The following GRIK1 variants were observed in gnomAD, a reference collection of about 807,000 sequenced individuals.
GRIK1 encodes glutamate receptor ionotropic, kainate 1.
In GRIK1, 69 loss-of-function variants were observed where a neutral mutation model predicts 105.7. That is an observed-to-expected ratio of 0.65 (90% confidence interval 0.54 to 0.80). The LOEUF (loss-of-function observed/expected upper bound fraction) is 0.80. GRIK1 is among the 30% of genes least tolerant of loss of function. The pLI, the probability that GRIK1 is intolerant of heterozygous loss-of-function variation, is 0.00. For synonymous variants in GRIK1, 438 were observed against 431.3 expected (o/e 1.02, Z -0.19); for missense variants, 1,109 against 1,167.3 (o/e 0.95, Z 0.73).
At chr21:29,728,117 T>G (rs2146885871) in intron 1 of GRIK1, among the ~76,000 whole-genome samples, 1 of 152,294 alleles carries the variant, frequency 6.6e-6, no homozygotes, top group East Asian at 1.9e-4. Flanking sequence ...GAAATAATGG[T>G]TTATCAGCTA....
chr21:29,659,530 A>G (rs1277805570), intron 4 of GRIK1, among the ~76,000 whole-genome samples: 1 of 152,202 alleles, frequency 6.6e-6, no homozygotes, highest in African/African-American at 2.4e-5. Flanking sequence ...AGTGTCTTGT[A>G]CCTATTGTAA....
At chr21:29,790,906 A>G (rs1019671299) in intron 1 of GRIK1, among the ~76,000 whole-genome samples, 1 of 152,216 alleles carries the variant, frequency 6.6e-6, no homozygotes, top group African/African-American at 2.4e-5. Context: ...CTAAATAACA[A>G]ATCAGTTTAA....
chr21:29,750,104 A>G (rs2145640105), intron 1 of GRIK1, among the ~76,000 whole-genome samples: 1 of 152,266 alleles, frequency 6.6e-6, no homozygotes, highest in African/African-American at 2.4e-5. Context: ...ATGAGGAATC[A>G]GGGTAGAAGA....
At chr21:29,646,474 G>T (rs549530587) in intron 6 of GRIK1, among the ~76,000 whole-genome samples, 1 of 152,138 alleles carries the variant, frequency 6.6e-6, no homozygotes, top group African/African-American at 2.4e-5. Context: ...GTCATTGTGA[G>T]TATAACAGCT....
At chr21:29,767,020 G>A (rs2065684520) in intron 1 of GRIK1, among the ~76,000 whole-genome samples, 1 of 152,116 alleles carries the variant, frequency 6.6e-6, no homozygotes, top group Non-Finnish European at 1.5e-5. Flanking sequence ...CCTTCTCCTA[G>A]CACTTTCCTG....
intron 1 of GRIK1, among the ~76,000 whole-genome samples, chr21:29,762,477 C>G (rs111371077): frequency 6.6e-6 from 1 of 152,150 alleles, no homozygotes; most frequent in Non-Finnish European, 1.5e-5. Flanking sequence ...CTTATTCATC[C>G]TAGTCTTCAA....
Position 29,561,621 on chromosome 21 carries a change from T to A in GRIK1, c.2356+3A>T. ...AGTCTTGGTTCATGTCTACCCGTCTTACCAATAGGTGTTCCCACTCCGTAA... is the reference window on the plus strand; with the variant it reads ...AGTCTTGGTTCATGTCTACCCGTCTAACCAATAGGTGTTCCCACTCCGTAA... On this transcript the variant is annotated splice_donor_region_variant and intron_variant, in intron 15 of 17. Coordinates refer to ENST00000327783, the MANE Select transcript of GRIK1 (RefSeq NM_001330994.2). 1 of 1,584,694 alleles carries A rather than the reference T, an allele frequency of 6.3e-7. No individual in the cohort carries two copies. Among genetic ancestry groups the A allele is most frequent in the Non-Finnish European group, 8.7e-7 (1 of 1,153,218 alleles).
At chr21:29,846,344 CA>C (rs2068112184) in intron 1 of GRIK1, among the ~76,000 whole-genome samples, 1 of 146,538 alleles carries the variant, frequency 6.8e-6, no homozygotes. Flanking sequence ...GCCGAGATCA[CA>C]CCATTACACT....
rs528897928 is a variant in GRIK1 at position 29,609,119 on chromosome 21, A to T, written c.1099-10182T>A. Among the ~76,000 whole-genome samples the T allele has an allele frequency of 1.3e-3, 166 of 130,194 alleles. No homozygotes were observed. In the East Asian group the frequency reaches 0.03, roughly 23 times the overall value. 85.4% of individuals were successfully genotyped at this position (130,194 alleles called of 152,430 possible). A position where few individuals can be genotyped will look rare whatever the true frequency, so the allele number is the denominator to read the frequency against. The stretch of plus-strand genomic sequence containing the variant: ...ATTATTAAATAATAATAAATAAGAT[A>T]AAAAGGTATTATTAAATAATAAGAT... On this transcript the variant is annotated intron_variant, in intron 7 of 17. Coordinates refer to ENST00000327783, the MANE Select transcript of GRIK1 (RefSeq NM_001330994.2).
intron 1 of GRIK1, among the ~76,000 whole-genome samples, chr21:29,894,237 T>G (rs752276768): frequency 2.0e-5 from 3 of 152,124 alleles, no homozygotes; most frequent in Admixed American, 2.0e-4. Flanking sequence ...AGAGACCATC[T>G]GCAAGTTGAG....
intron 1 of GRIK1, among the ~76,000 whole-genome samples, chr21:29,815,964 C>CA (rs1165933641): frequency 6.6e-6 from 1 of 151,800 alleles, no homozygotes; most frequent in Non-Finnish European, 1.5e-5. Flanking sequence ...CCATATTAAA[C>CA]AAAAAAACTG....
chr21:29,885,222 G>A (rs1299405671), intron 1 of GRIK1, among the ~76,000 whole-genome samples: 1 of 151,994 alleles, frequency 6.6e-6, no homozygotes, highest in Non-Finnish European at 1.5e-5. Flanking sequence ...TCATATGTAT[G>A]TCAGAGTTTC....
chr21:29,842,894 C>T (rs544585950), intron 1 of GRIK1, among the ~76,000 whole-genome samples: 10 of 152,238 alleles, frequency 6.6e-5, no homozygotes, highest in African/African-American at 2.4e-4. Context: ...TTCCAGAGAT[C>T]ATATGTTGCA....
chr21:29,906,958 G>A (rs188208168), intron 1 of GRIK1, among the ~76,000 whole-genome samples: 48 of 151,620 alleles, frequency 3.2e-4, no homozygotes, highest in African/African-American at 9.9e-4. Flanking sequence ...TGGGGCTTTC[G>A]TGAAAAGTAA....
intron 1 of GRIK1, among the ~76,000 whole-genome samples, chr21:29,898,920 C>T (rs544363124): frequency 2.6e-5 from 4 of 151,450 alleles, no homozygotes; most frequent in Admixed American, 6.6e-5. Context: ...TGCAGTGAGC[C>T]GAGATCACGT....
At chr21:29,665,076 T>C (rs2063034261) in intron 4 of GRIK1, among the ~76,000 whole-genome samples, 1 of 152,218 alleles carries the variant, frequency 6.6e-6, no homozygotes. Flanking sequence ...GATTAAGCAT[T>C]AGAGCATTTT....
In GRIK1 at chr21:29,574,734, C is replaced by T. The variant is rs887212383; in HGVS notation, c.2130+2230G>A. ...ACGGAGTCTCGCTCTGTGGCCCAGG[C>T]GGGAGTGCAGTGGCGCAATCTCGGC... On this transcript the variant is annotated intron_variant, in intron 14 of 17. Transcript: ENST00000327783. Among the ~76,000 whole-genome samples the T allele has an allele frequency of 2.9e-5, 4 of 136,304 alleles. No homozygotes were observed. In the South Asian group the frequency reaches 9.2e-4, roughly 31 times the overall value. The allele number at this position is 136,304 out of a possible 152,430, so 89.4% of individuals were successfully genotyped here.
chr21:29,918,175 T>G (rs888290742), intron 1 of GRIK1, among the ~76,000 whole-genome samples: 1 of 152,090 alleles, frequency 6.6e-6, no homozygotes, highest in Non-Finnish European at 1.5e-5. Context: ...GAGTTACTAC[T>G]TAGAATTACT....
intron 1 of GRIK1, among the ~76,000 whole-genome samples, chr21:29,812,233 C>T (rs1455447889): frequency 2.6e-5 from 4 of 152,096 alleles, no homozygotes; most frequent in African/African-American, 9.7e-5. Context: ...GCACCAGGCA[C>T]ATAATAGAGT....
Sources: allele counts gnomAD v4.1 joint callset (sites outside exome capture counted in the v4.1 genomes callset), GRCh38; gene constraint gnomAD v4.1.1; transcripts MANE v1.5; gene names NCBI Gene and HGNC (gene_info 2026-07-23, HGNC 2026-07-21).